The following PPP3CA variants were observed in gnomAD, a reference collection of about 807,000 sequenced individuals.
The protein encoded by PPP3CA is protein phosphatase 3 catalytic subunit alpha.
PPP3CA carries 14 observed loss-of-function variants against 66.5 expected under a neutral mutation model. The ratio of observed to expected loss-of-function variants is 0.21; its 90% confidence interval spans 0.14 to 0.33. The LOEUF is 0.33. Ranked by LOEUF, PPP3CA falls within the 10% of genes least tolerant of loss-of-function variation. PPP3CA has a pLI of 1.00. For missense variants in PPP3CA, 317 were observed against 639.5 expected (o/e 0.50, Z 5.44); for synonymous variants, 232 against 226.2 (o/e 1.03, Z -0.23).
intron 6 of PPP3CA, among the ~76,000 whole-genome samples, chr4:101,092,210 G>C (rs1729984769): frequency 6.6e-6 from 1 of 152,022 alleles, no homozygotes; most frequent in Non-Finnish European, 1.5e-5. Context: ...GCTTGTCAAA[G>C]TCCTAAAAAT....
At chr4:101,094,276 T>C (rs1413906004) in intron 5 of PPP3CA, among the ~76,000 whole-genome samples, 1 of 152,192 alleles carries the variant, frequency 6.6e-6, no homozygotes, top group African/African-American at 2.4e-5. Flanking sequence ...GTTTTTTTCA[T>C]GACCAGTTAT....
intron 1 of PPP3CA, among the ~76,000 whole-genome samples, chr4:101,266,186 A>ACATGAG (rs1727164791): frequency 6.6e-6 from 1 of 152,092 alleles, no homozygotes; most frequent in Non-Finnish European, 1.5e-5. Flanking sequence ...AAAACTCTGT[A>ACATGAG]TTTTCTTACA....
intron 1 of PPP3CA, among the ~76,000 whole-genome samples, chr4:101,219,559 T>A (rs915471047): frequency 6.6e-6 from 1 of 151,912 alleles, no homozygotes; most frequent in Non-Finnish European, 1.5e-5. Context: ...ATGTCACTTG[T>A]AATTTATTTC....
intron 6 of PPP3CA, among the ~76,000 whole-genome samples, chr4:101,085,819 A>G (rs1488240494): frequency 6.6e-6 from 1 of 150,922 alleles, no homozygotes; most frequent in Non-Finnish European, 1.5e-5. Context: ...GTTCAAGCTG[A>G]AAAGCACTGC....
rs1314787111 is a variant in PPP3CA, at chr4:101,225,253, G to A, written c.59-29137C>T. Among the ~76,000 whole-genome samples the A allele has an allele frequency of 4.5e-5, 4 of 88,890 alleles. No homozygotes were observed. In the East Asian group the frequency reaches 6.4e-4, roughly 14 times the overall value. The allele number at this position is 88,890 out of a possible 152,430, so 58.3% of individuals were successfully genotyped here. On this transcript the variant is annotated intron_variant, in intron 1 of 13. Coordinates refer to ENST00000394854, the MANE Select transcript of PPP3CA (RefSeq NM_000944.5). The stretch of plus-strand genomic sequence containing the variant: ...TCTGTCACTAGAATGGAAGCTTCAT[G>A]AGCATGAAGATATTTTTATTAAATA...
At chr4:101,031,916 T>C (rs187780132) in intron 12 of PPP3CA, among the ~76,000 whole-genome samples, 20 of 152,334 alleles carry the variant, frequency 1.3e-4, no homozygotes, top group African/African-American at 4.6e-4. Context: ...AGAATACTTA[T>C]TAAAAATGTG....
At chr4:101,109,620 T>C (rs1030169309) in intron 2 of PPP3CA, among the ~76,000 whole-genome samples, 2 of 147,058 alleles carry the variant, frequency 1.4e-5, no homozygotes, top group East Asian at 2.0e-4. Flanking sequence ...ATGTTATCCA[T>C]TGTAAGACAC....
intron 8 of PPP3CA, among the ~76,000 whole-genome samples, chr4:101,070,347 T>C (rs1578418814): frequency 6.6e-6 from 1 of 152,010 alleles, no homozygotes; most frequent in East Asian, 1.9e-4. Flanking sequence ...ACTAACAAAA[T>C]ATAAACAGAA....
intron 3 of PPP3CA, chr4:101,107,938 T>C (rs1721490851): frequency 6.6e-6 from 1 of 152,210 alleles, no homozygotes; most frequent in South Asian, 2.1e-4. Context: ...TGAGGTCTGA[T>C]TCTTTAAAAC....
chr4:101,298,127 T>C (rs1036917923), intron 1 of PPP3CA, among the ~76,000 whole-genome samples: 1 of 152,010 alleles, frequency 6.6e-6, no homozygotes, highest in African/African-American at 2.4e-5. Flanking sequence ...TTCTCCTATA[T>C]ATATCCTAGG....
chr4:101,199,822 A>G (rs1388620671), intron 1 of PPP3CA, among the ~76,000 whole-genome samples: 1 of 152,214 alleles, frequency 6.6e-6, no homozygotes, highest in African/African-American at 2.4e-5. Flanking sequence ...TATCTATCTG[A>G]TACGGAGAAA....
rs976615987 is a variant in PPP3CA, at chr4:101,075,163, T to C, written c.955+5369A>G. ...CCTGCCCTTGACAGGTGGGGATTAT[T>C]ACAATTCAAGGTGAAATCTGGGTGG... On this transcript the variant is annotated intron_variant, in intron 8 of 13. Transcript: ENST00000394854. Among the ~76,000 whole-genome samples, 16 of 152,202 alleles carry C rather than the reference T, an allele frequency of 1.1e-4. 2 individuals are homozygous for C. Among genetic ancestry groups the C allele is most frequent in the Admixed American group, 1.0e-3 (16 of 15,280 alleles).
chr4:101,079,843 T>C (rs1001001138), intron 8 of PPP3CA, among the ~76,000 whole-genome samples: 7 of 152,176 alleles, frequency 4.6e-5, no homozygotes, highest in Non-Finnish European at 8.8e-5. Context: ...TAATGCCCTC[T>C]TGTTTCATGT....
At chr4:101,033,704 G>A (rs1218499798) in intron 11 of PPP3CA, among the ~76,000 whole-genome samples, 7 of 152,132 alleles carry the variant, frequency 4.6e-5, no homozygotes, top group African/African-American at 1.7e-4. Flanking sequence ...TATTCACAGA[G>A]TTGTACAACC....
intron 1 of PPP3CA, among the ~76,000 whole-genome samples, chr4:101,205,364 C>T (rs957734937): frequency 3.9e-5 from 6 of 152,054 alleles, no homozygotes; most frequent in African/African-American, 1.2e-4. Context: ...GTACATGAAT[C>T]CAGGTACATT....
chr4:101,125,745 C>T (rs1188285106), intron 2 of PPP3CA, among the ~76,000 whole-genome samples: 1 of 152,170 alleles, frequency 6.6e-6, no homozygotes, highest in Non-Finnish European at 1.5e-5. Context: ...GCAATCTTGG[C>T]AAGACCTGGA....
intron 10 of PPP3CA, among the ~76,000 whole-genome samples, chr4:101,044,755 T>C (rs1275529699): frequency 6.6e-6 from 1 of 152,184 alleles, no homozygotes; most frequent in East Asian, 1.9e-4. Context: ...TGGGGGAGGC[T>C]AGTACACAGA....
At chr4:101,121,689 A>G (rs1722035969) in intron 2 of PPP3CA, among the ~76,000 whole-genome samples, 1 of 152,160 alleles carries the variant, frequency 6.6e-6, no homozygotes, top group Non-Finnish European at 1.5e-5. Flanking sequence ...AAAAATAGTC[A>G]TTATTTTTTT....
At chr4:101,329,866 A>G (rs1023622939) in intron 1 of PPP3CA, among the ~76,000 whole-genome samples, 12 of 152,166 alleles carry the variant, frequency 7.9e-5, no homozygotes, top group Admixed American at 6.5e-4. Flanking sequence ...CTCAGGGAAA[A>G]AAAAAAAATC....
Sources: allele counts gnomAD v4.1 joint callset (sites outside exome capture counted in the v4.1 genomes callset), GRCh38; gene constraint gnomAD v4.1.1; transcripts MANE v1.5; gene names NCBI Gene and HGNC (gene_info 2026-07-23, HGNC 2026-07-21).